ARID4B: variants seen among roughly 807,000 people sequenced by gnomAD.
ARID4B encodes AT-rich interaction domain 4B, also known as AT-rich interactive domain-containing protein 4B.
ARID4B carries 26 observed loss-of-function variants against 147.5 expected under a neutral mutation model. The observed-to-expected ratio is 0.18, with a 90% CI of 0.13 to 0.24. The LOEUF (loss-of-function observed/expected upper bound fraction) is 0.24. Among genes scored for constraint, ARID4B ranks in the 10% least tolerant of loss-of-function variants. The probability of loss-of-function intolerance (pLI) is 1.00; values close to 1 mark genes in which losing one functional copy is unlikely to be tolerated. For synonymous variants in ARID4B, 512 were observed against 507.9 expected, an observed-to-expected ratio of 1.01 and a Z score of -0.11; for missense variants, 1,179 against 1,511.5, an observed-to-expected ratio of 0.78 and a Z score of 3.65.
intron 19 of ARID4B, among the ~76,000 whole-genome samples, chr1:235,192,162 G>A (rs1046638333): frequency 6.6e-6 from 1 of 151,996 alleles, no homozygotes; most frequent in Non-Finnish European, 1.5e-5. Flanking sequence ...CAATTCTGAA[G>A]AAAAGTAAAG....
intron 2 of ARID4B, chr1:235,326,651 T>C (rs1675289404): frequency 2.0e-6 from 1 of 490,858 alleles, no homozygotes; most frequent in Admixed American, 3.5e-5. Context: ...CTTTAATTCA[T>C]GCCGTTATTC....
chr1:235,187,391 G>A (rs573398991), intron 19 of ARID4B, among the ~76,000 whole-genome samples: 2 of 152,220 alleles, frequency 1.3e-5, no homozygotes, highest in East Asian at 1.9e-4. Context: ...GCTTATTCTT[G>A]TTTTATAGAT....
At chr1:235,271,163 G>A (rs538242431) in intron 2 of ARID4B, among the ~76,000 whole-genome samples, 2 of 151,952 alleles carry the variant, frequency 1.3e-5, no homozygotes, top group South Asian at 2.1e-4. Flanking sequence ...GACGAGCCTG[G>A]GCAACATAGC....
chr1:235,185,110 C>T (rs1165453086), intron 19 of ARID4B, among the ~76,000 whole-genome samples: 1 of 152,190 alleles, frequency 6.6e-6, no homozygotes, highest in Non-Finnish European at 1.5e-5. Context: ...AGCCAACGTC[C>T]CTGGCCTGCT....
chr1:235,171,235 C>G (rs1047244753), intron 23 of ARID4B, among the ~76,000 whole-genome samples: 1 of 151,916 alleles, frequency 6.6e-6, no homozygotes, highest in Non-Finnish European at 1.5e-5. Flanking sequence ...ATCGAGCCAT[C>G]CTGCATCCTG....
Position 235,166,989 on chromosome 1 carries a change from A to G in ARID4B, c.*1536T>C, listed in dbSNP as rs1663009193. 1.1e-5 allele frequency: 2 copies of G among 180,586 alleles called. No homozygotes were observed. The highest frequency in any genetic ancestry group is 2.4e-5 in the African/African-American group (1 of 42,366). The allele number at this position is 180,586 out of a possible 1,614,324, so 11.2% of individuals were successfully genotyped here. A position where few individuals can be genotyped will look rare whatever the true frequency, so the allele number is the denominator to read the frequency against. On this transcript the variant is annotated 3_prime_UTR_variant, in exon 24 of 24. Transcript: ENST00000264183. ...TTCTTCATTGTTTGCAGATCCTAAT[A>G]TATACTTTATAGCTTTTATTCTATA...
At chr1:235,193,429 GACAA>G (rs901396889) in intron 19 of ARID4B, among the ~76,000 whole-genome samples, 5 of 152,152 alleles carry the variant, frequency 3.3e-5, no homozygotes, top group African/African-American at 4.8e-5. Flanking sequence ...TCATAATCAG[GACAA>G]ACAAAGTTTG....
chr1:235,250,548 T>C (rs767883536), intron 6 of ARID4B, among the ~76,000 whole-genome samples: 6 of 152,208 alleles, frequency 3.9e-5, no homozygotes, highest in Admixed American at 3.9e-4. Context: ...GTTCCATGTT[T>C]ACATGGCTTG....
intron 22 of ARID4B, among the ~76,000 whole-genome samples, chr1:235,174,471 G>A (rs769508664): frequency 3.3e-5 from 5 of 152,070 alleles, no homozygotes; most frequent in Non-Finnish European, 5.9e-5. Flanking sequence ...ATTAAGTTTG[G>A]TAAAGCCTCT....
intron 6 of ARID4B, among the ~76,000 whole-genome samples, chr1:235,247,617 G>A (rs994754550): frequency 6.6e-6 from 1 of 152,172 alleles, no homozygotes; most frequent in South Asian, 2.1e-4. Context: ...CTCTCATAGG[G>A]CAAAAAATCT....
chr1:235,246,445 T>C lies in ARID4B; in HGVS notation c.421A>G (p.Asn141Asp). 1 of 1,612,578 alleles carries C rather than the reference T, an allele frequency of 6.2e-7. No homozygotes were observed. The highest frequency in any genetic ancestry group is 8.5e-7 in the Non-Finnish European group (1 of 1,178,596). The change falls in exon 7 of 24, where the codon AAT (asparagine) becomes GAT (aspartate). Residue 141 changes from asparagine to aspartate, a missense_variant. By Grantham distance (23) the Asn-to-Asp change is conservative. Transcript: ENST00000264183. The part of the protein sequence containing the change: ...FGTPVIGKKT[N>D]RGRRSNHIPE... Reference sequence around the variant, plus strand: ...ATATGATTAGATCTTCTTCCTCTATTTGTTTTCTTTCCTATGACTGGAGTG... The same window carrying C: ...ATATGATTAGATCTTCTTCCTCTATCTGTTTTCTTTCCTATGACTGGAGTG...
At chr1:235,203,002 G>A (rs1030468737) in intron 17 of ARID4B, among the ~76,000 whole-genome samples, 2 of 152,176 alleles carry the variant, frequency 1.3e-5, no homozygotes, top group Non-Finnish European at 2.9e-5. Context: ...GCCCTTGCCT[G>A]CGAGGAGCTT....
Position 235,168,579 on chromosome 1 carries a change from A to C in ARID4B, c.3885T>G (p.Ala1295=). ...GTGATGCGCTGGACATTGACGGTTC[A>C]GCTAAAGTTAACATAACAGCAGCTG... ...SITAAVMLTL[A]EPSMSSASQN... is the part of the protein sequence containing the mutation. The change falls in exon 24 of 24, where the codon GCT becomes GCG. Residue 1295 remains alanine (A), a synonymous_variant. Transcript: ENST00000264183. The C allele has an allele frequency of 1.9e-6, 3 of 1,614,128 alleles. No homozygotes were observed. Among genetic ancestry groups the C allele is most frequent in the Admixed American group, 1.7e-5 (1 of 60,010 alleles).
intron 2 of ARID4B, among the ~76,000 whole-genome samples, chr1:235,323,086 G>C (rs1455369251): frequency 4.1e-5 from 6 of 146,800 alleles, no homozygotes; most frequent in African/African-American, 1.5e-4. Context: ...TGTCACCCAA[G>C]CTGGAGTGCA....
chr1:235,306,044 GATA>G (rs1407938438), intron 2 of ARID4B, among the ~76,000 whole-genome samples: 1 of 152,184 alleles, frequency 6.6e-6, no homozygotes, highest in African/African-American at 2.4e-5. Context: ...ATTATCATAT[GATA>G]ATAACAAAAA....
At chr1:235,214,139 G>A (rs1245270520) in intron 16 of ARID4B, 113 bp from the exon 17 acceptor site, 1 of 1,285,576 alleles carries the variant, frequency 7.8e-7, no homozygotes, top group South Asian at 1.8e-5. Context: ...GGAAAAGCAG[G>A]TTCCACGTGT....
intron 19 of ARID4B, among the ~76,000 whole-genome samples, chr1:235,190,885 G>T (rs1665050504): frequency 6.6e-6 from 1 of 152,180 alleles, no homozygotes; most frequent in Admixed American, 6.5e-5. Flanking sequence ...AGGGAAACCA[G>T]TCCAGACTAC....
In ARID4B at chr1:235,168,756, AATC is replaced by A. The variant is rs1027290740; in HGVS notation, c.3812-107_3812-105del. The A allele has an allele frequency of 7.3e-6, 9 of 1,227,378 alleles. No individual in the cohort carries two copies. In the African/African-American group the frequency reaches 1.2e-4, roughly 17 times the overall value. The allele number at this position is 1,227,378 out of a possible 1,614,324, so 76.0% of individuals were successfully genotyped here. ...ACTAAAATTCCGCTATATTGTCCAA[AATC>A]ATTTAGCTTACAACAACAGTGGTCA... On this transcript the variant is annotated intron_variant, in intron 23 of 23. Coordinates refer to ENST00000264183, the MANE Select transcript of ARID4B (RefSeq NM_016374.6).
chr1:235,243,961 A>C (rs1339558033), intron 7 of ARID4B, among the ~76,000 whole-genome samples: 5 of 152,210 alleles, frequency 3.3e-5, no homozygotes, highest in Non-Finnish European at 7.4e-5. Context: ...TAGTGATGAT[A>C]GTTACACAAT....
Sources: allele counts gnomAD v4.1 joint callset (sites outside exome capture counted in the v4.1 genomes callset), GRCh38; gene constraint gnomAD v4.1.1; transcripts MANE v1.5; gene names NCBI Gene and HGNC (gene_info 2026-07-23, HGNC 2026-07-21).